Variants in PPP3CA observed in about 807,000 individuals in gnomAD.
PPP3CA encodes the protein protein phosphatase 3 catalytic subunit alpha.
In PPP3CA, 14 loss-of-function variants were observed where a neutral mutation model predicts 66.5. The ratio of observed to expected loss-of-function variants is 0.21; its 90% CI spans 0.14 to 0.33. PPP3CA has a LOEUF of 0.33. PPP3CA is among the 10% of genes least tolerant of loss of function. PPP3CA has a pLI of 1.00. For synonymous variants in PPP3CA, 232 were observed against 226.2 expected (o/e 1.03, Z -0.23); for missense variants, 317 against 639.5 (o/e 0.50, Z 5.44).
In PPP3CA at chr4:101,218,890, C is replaced by G. The variant is rs1725535313; in HGVS notation, c.59-22774G>C. Among the ~76,000 whole-genome samples, 3 of 152,166 alleles carry G rather than the reference C, an allele frequency of 2.0e-5. No individual in the cohort carries two copies. The South Asian group carries it at 6.2e-4, about 32-fold the overall frequency. ...CAAGTGAAAAATACAAGAATATTCT[C>G]TACCACTATTTGTACTCCATAGTTT... On this transcript the variant is annotated intron_variant, in intron 1 of 13. Coordinates refer to ENST00000394854, the MANE Select transcript of PPP3CA (RefSeq NM_000944.5).
chr4:101,268,479 C>G (rs573244271), intron 1 of PPP3CA, among the ~76,000 whole-genome samples: 6 of 152,150 alleles, frequency 3.9e-5, no homozygotes, highest in Non-Finnish European at 7.4e-5. Flanking sequence ...AACTTAAATA[C>G]GTAAAACCAT....
At chr4:101,327,166 G>A (rs1729233255) in intron 1 of PPP3CA, among the ~76,000 whole-genome samples, 1 of 152,172 alleles carries the variant, frequency 6.6e-6, no homozygotes, top group Non-Finnish European at 1.5e-5. Context: ...TGAATGTACA[G>A]AAAATAATTT....
At chr4:101,295,387 A>G (rs1728172255) in intron 1 of PPP3CA, among the ~76,000 whole-genome samples, 1 of 152,136 alleles carries the variant, frequency 6.6e-6, no homozygotes, top group Non-Finnish European at 1.5e-5. Flanking sequence ...ATAGTCAGGC[A>G]AATGAGTTTT....
intron 2 of PPP3CA, among the ~76,000 whole-genome samples, chr4:101,138,268 T>G (rs1044062376): frequency 6.6e-6 from 1 of 152,212 alleles, no homozygotes; most frequent in Non-Finnish European, 1.5e-5. Flanking sequence ...CATAACTGAT[T>G]TGAATCTTGG....
At chr4:101,160,469 A>T (rs1159075216) in intron 2 of PPP3CA, among the ~76,000 whole-genome samples, 1 of 152,174 alleles carries the variant, frequency 6.6e-6, no homozygotes, top group East Asian at 1.9e-4. Flanking sequence ...TTATGCATTA[A>T]TAAAATGTGT....
At chr4:101,320,583 G>GGTCATA (rs1729013353) in intron 1 of PPP3CA, among the ~76,000 whole-genome samples, 1 of 151,894 alleles carries the variant, frequency 6.6e-6, no homozygotes, top group Non-Finnish European at 1.5e-5. Flanking sequence ...GATTGGTCAT[G>GGTCATA]TTTCTTAGAA....
chr4:101,164,562 G>GC (rs373118181), intron 2 of PPP3CA, among the ~76,000 whole-genome samples: 1 of 142,194 alleles, frequency 7.0e-6, no homozygotes, highest in African/African-American at 2.6e-5. Context: ...TGGGATTTAA[G>GC]TTTTTTTTTT....
rs1337831736 is a variant in PPP3CA, at chr4:101,347,039, G to C, written c.-243C>G. 6.8e-6 allele frequency: 4 copies of C among 585,866 alleles called. No homozygotes were observed. The highest frequency in any genetic ancestry group is 4.0e-5 in the African/African-American group (2 of 49,706). The allele number at this position is 585,866 out of a possible 1,614,324, so 36.3% of individuals were successfully genotyped here. ...GCCGCCAGCCCCGCCGACTCGCTCC[G>C]GGCTGCGCGTGTGTGGTGGTTATTT... On this transcript the variant is annotated 5_prime_UTR_variant, in exon 1 of 14. Coordinates refer to ENST00000394854, the MANE Select transcript of PPP3CA (RefSeq NM_000944.5).
chr4:101,211,999 C>T (rs1471133428), intron 1 of PPP3CA, among the ~76,000 whole-genome samples: 1 of 152,160 alleles, frequency 6.6e-6, no homozygotes, highest in African/African-American at 2.4e-5. Flanking sequence ...AAAGAAGCTA[C>T]TGAAAGGATT....
rs149595048 is a variant in PPP3CA, at chr4:101,191,449, T to C, written c.259+4467A>G. On this transcript the variant is annotated intron_variant, in intron 2 of 13. Coordinates refer to ENST00000394854, the MANE Select transcript of PPP3CA (RefSeq NM_000944.5). ...AGTATATGGACATCAAAATGATGTG[T>C]GGCTGCCACAGGCTGGGACTGAAAT... Among the ~76,000 whole-genome samples, 54 of 152,300 alleles carry C rather than the reference T, an allele frequency of 3.5e-4. No homozygotes were observed. In the East Asian group the frequency reaches 9.6e-3, roughly 27 times the overall value.
At position 101,157,985 on chromosome 4, in the gene PPP3CA, AAAT is replaced by A. The variant is rs1418018452; in HGVS notation, c.259+37928_259+37930del. On this transcript the variant is annotated intron_variant, in intron 2 of 13. Coordinates refer to ENST00000394854, the MANE Select transcript of PPP3CA (RefSeq NM_000944.5). ...AAACTTTAGTACATTTAAATAATGA[AAAT>A]AATGATGTCATATTGATATACATCC... is the stretch of plus-strand genomic sequence containing the variant. 7.2e-5 allele frequency among the ~76,000 whole-genome samples: 11 copies of A among 152,162 alleles called. No homozygotes were observed. The East Asian group carries it at 1.5e-3, about 21-fold the overall frequency.
chr4:101,190,725 T>C (rs1724573221), intron 2 of PPP3CA, among the ~76,000 whole-genome samples: 1 of 152,086 alleles, frequency 6.6e-6, no homozygotes, highest in Non-Finnish European at 1.5e-5. Flanking sequence ...AATGTTTTTT[T>C]CTGGGAAAAA....
At chr4:101,183,324 T>A (rs1293069567) in intron 2 of PPP3CA, among the ~76,000 whole-genome samples, 1 of 152,122 alleles carries the variant, frequency 6.6e-6, no homozygotes, top group Non-Finnish European at 1.5e-5. Context: ...ATTAAAATTT[T>A]TAGTTGCATG....
At chr4:101,263,783 C>A (rs894564280) in intron 1 of PPP3CA, among the ~76,000 whole-genome samples, 1 of 152,200 alleles carries the variant, frequency 6.6e-6, no homozygotes, top group South Asian at 2.1e-4. Flanking sequence ...CACTTAACCA[C>A]ATTATCATCT....
chr4:101,035,828 A>G (rs781275857), intron 11 of PPP3CA, among the ~76,000 whole-genome samples: 1 of 152,200 alleles, frequency 6.6e-6, no homozygotes, highest in Non-Finnish European at 1.5e-5. Context: ...ATATCTCTGC[A>G]GTAATTTCCT....
intron 8 of PPP3CA, among the ~76,000 whole-genome samples, chr4:101,066,789 G>A (rs549452098): frequency 2.8e-4 from 42 of 152,098 alleles, no homozygotes; most frequent in Non-Finnish European, 5.6e-4. Flanking sequence ...ACCTGCCTCC[G>A]ACTGTCATTG....
chr4:101,346,973 CCCTCCTCCGCCGCCGCCGCCTTCACT>C lies in PPP3CA; in HGVS notation c.-203_-178del, dbSNP rs1469775262. 25 of 672,104 alleles carry C rather than the reference CCCTCCTCCGCCGCCGCCGCCTTCACT, an allele frequency of 3.7e-5. No individual in the cohort carries two copies. The highest frequency in any genetic ancestry group is 5.5e-5 in the Non-Finnish European group (22 of 401,776). The allele number at this position is 672,104 out of a possible 1,614,324, so 41.6% of individuals were successfully genotyped here. On this transcript the variant is annotated 5_prime_UTR_variant, in exon 1 of 14. Coordinates refer to ENST00000394854, the MANE Select transcript of PPP3CA (RefSeq NM_000944.5). ...TAAAGTTGCTGCCTTTTCCGCGCGT[CCCTCCTCCGCCGCCGCCGCCTTCACT>C]CCTCCTCCGCCGCTGCCGCCAGCCC...
At chr4:101,136,685 T>G (rs965903898) in intron 2 of PPP3CA, among the ~76,000 whole-genome samples, 3 of 151,928 alleles carry the variant, frequency 2.0e-5, no homozygotes, top group Non-Finnish European at 4.4e-5. Flanking sequence ...ACAGGCTTCA[T>G]CAGCTTATGG....
intron 1 of PPP3CA, among the ~76,000 whole-genome samples, chr4:101,252,479 C>T (rs1726709027): frequency 1.3e-5 from 2 of 151,592 alleles, no homozygotes; most frequent in African/African-American, 4.8e-5. Context: ...TAAAAAAAAA[C>T]AAAACTAAAA....
Sources: allele counts gnomAD v4.1 joint callset (sites outside exome capture counted in the v4.1 genomes callset), GRCh38; gene constraint gnomAD v4.1.1; transcripts MANE v1.5; gene names NCBI Gene and HGNC (gene_info 2026-07-23, HGNC 2026-07-21).